Variants in DPYD observed in about 807,000 individuals in gnomAD.
DPYD encodes dihydropyrimidine dehydrogenase [NADP(+)].
Under a neutral mutation model 116.2 loss-of-function variants are expected in DPYD, and 109 were observed. The ratio of observed to expected loss-of-function variants is 0.94; its 90% confidence interval spans 0.80 to 1.10. The LOEUF is 1.10. Among genes scored for constraint, DPYD ranks in the 50% least tolerant of loss-of-function variants. The pLI is 0.00. For missense variants in DPYD, 1,302 were observed against 1,254.5 expected (o/e 1.04, Z -0.57); for synonymous variants, 440 against 432.0 (o/e 1.02, Z -0.23).
intron 20 of DPYD, among the ~76,000 whole-genome samples, chr1:97,163,480 G>T (rs964281089): frequency 6.6e-6 from 1 of 152,134 alleles, no homozygotes. Flanking sequence ...GTCCATTTGT[G>T]CTGCTATAAA....
intron 3 of DPYD, among the ~76,000 whole-genome samples, chr1:97,765,991 C>T (rs1458125315): frequency 1.3e-5 from 2 of 152,084 alleles, no homozygotes; most frequent in Non-Finnish European, 2.9e-5. Context: ...CGCCTATAAT[C>T]GCAGCACTTC....
At chr1:97,614,138 T>G (rs1037133158) in intron 8 of DPYD, among the ~76,000 whole-genome samples, 2 of 152,026 alleles carry the variant, frequency 1.3e-5, no homozygotes, top group African/African-American at 4.8e-5. Flanking sequence ...TATTAAAAAT[T>G]TTTTAAAGTT....
At chr1:97,144,392 G>A (rs1654457341) in intron 20 of DPYD, among the ~76,000 whole-genome samples, 2 of 152,140 alleles carry the variant, frequency 1.3e-5, no homozygotes, top group South Asian at 2.1e-4. Flanking sequence ...AGAACTACAA[G>A]TTCTCTGGTC....
intron 16 of DPYD, among the ~76,000 whole-genome samples, chr1:97,331,181 C>T (rs576558867): frequency 6.6e-6 from 1 of 151,948 alleles, no homozygotes; most frequent in Non-Finnish European, 1.5e-5. Context: ...TTTTGCAAAC[C>T]TATATATTGA....
chr1:97,914,692 C>T (rs1017043971), intron 1 of DPYD, among the ~76,000 whole-genome samples: 1 of 152,128 alleles, frequency 6.6e-6, no homozygotes, highest in Non-Finnish European at 1.5e-5. Context: ...CTGAAACTTA[C>T]ACCAGTGGGC....
chr1:97,126,203 A>C (rs538854078), intron 20 of DPYD, among the ~76,000 whole-genome samples: 1 of 152,116 alleles, frequency 6.6e-6, no homozygotes, highest in Non-Finnish European at 1.5e-5. Context: ...TTCAGTGGTG[A>C]ATCCAACCTC....
intron 20 of DPYD, among the ~76,000 whole-genome samples, chr1:97,158,469 C>CCACACACACA (rs1553225163): frequency 3.9e-5 from 2 of 51,012 alleles, no homozygotes; most frequent in African/African-American, 5.3e-5. Context: ...AGATAACTCA[C>CCACACACACA]CAGACACACA....
chr1:97,352,875 A>T (rs1670223327), intron 16 of DPYD, among the ~76,000 whole-genome samples: 1 of 152,170 alleles, frequency 6.6e-6, no homozygotes, highest in African/African-American at 2.4e-5. Flanking sequence ...TCTGTATTAT[A>T]TGAGACAATA....
Position 97,305,273 on chromosome 1 carries a change from T to C in DPYD, c.2285A>G (p.Tyr762Cys). 1.2e-6 allele frequency: 2 copies of C among 1,612,242 alleles called. No homozygotes were observed. Among genetic ancestry groups the C allele is most frequent in the Non-Finnish European group, 1.7e-6 (2 of 1,178,850 alleles). The change falls in exon 18 of 23, where the codon TAT becomes TGT. Residue 762 changes from tyrosine (Y) to cysteine (C), a missense_variant. Tyr to Cys is a radical substitution (Grantham distance 194). Coordinates refer to ENST00000370192, the MANE Select transcript of DPYD (RefSeq NM_000110.4). ...PAVGIAKRTT[Y>C]GGVSGTAIRP... The stretch of plus-strand genomic sequence containing the variant: ...GCAACACCTACCAGACACTCCTCCA[T>C]ATGTAGTTCGCTTTGCAATCCCCAC...
intron 14 of DPYD, among the ~76,000 whole-genome samples, chr1:97,390,049 T>G (rs913488465): frequency 2.0e-5 from 3 of 152,074 alleles, no homozygotes; most frequent in Non-Finnish European, 4.4e-5. Flanking sequence ...CATTAAAAAT[T>G]AAGGTGAAGA....
chr1:97,236,748 G>A (rs1003468814), intron 18 of DPYD, among the ~76,000 whole-genome samples: 1 of 152,148 alleles, frequency 6.6e-6, no homozygotes, highest in African/African-American at 2.4e-5. Flanking sequence ...TCGGACTTTG[G>A]GTGGTTAGGC....
At chr1:97,462,019 A>G (rs1300571744) in intron 13 of DPYD, among the ~76,000 whole-genome samples, 1 of 152,138 alleles carries the variant, frequency 6.6e-6, no homozygotes, top group African/African-American at 2.4e-5. Context: ...TGTTTGTTTC[A>G]TAGGAGACAA....
At chr1:97,814,275 G>A (rs1668472366) in intron 3 of DPYD, among the ~76,000 whole-genome samples, 1 of 152,102 alleles carries the variant, frequency 6.6e-6, no homozygotes, top group African/African-American at 2.4e-5. Flanking sequence ...TTAGACATAT[G>A]GTTAATGAGT....
intron 15 of DPYD, 123 bp from the exon 16 acceptor site, chr1:97,373,767 G>A: frequency 1.2e-6 from 1 of 819,122 alleles, no homozygotes; most frequent in Non-Finnish European, 2.0e-6. Context: ...CTGCATCACA[G>A]CTATCTTGTG....
chr1:97,420,924 G>A (rs1674547899), intron 14 of DPYD, among the ~76,000 whole-genome samples: 1 of 152,146 alleles, frequency 6.6e-6, no homozygotes, highest in Non-Finnish European at 1.5e-5. Context: ...GACATTGTGT[G>A]TTTCTCATCT....
chr1:97,686,353 T>C (rs1456869870), intron 7 of DPYD, among the ~76,000 whole-genome samples: 1 of 151,796 alleles, frequency 6.6e-6, no homozygotes. Flanking sequence ...GACTTACATA[T>C]AGGCCGGGCG....
At chr1:97,858,668 TA>T (rs1333800685) in intron 2 of DPYD, among the ~76,000 whole-genome samples, 3 of 152,070 alleles carry the variant, frequency 2.0e-5, no homozygotes, top group Non-Finnish European at 4.4e-5. Flanking sequence ...ATGATACTAA[TA>T]TATTTACCAA....
intron 1 of DPYD, among the ~76,000 whole-genome samples, chr1:97,886,349 A>G (rs1672485128): frequency 6.6e-6 from 1 of 152,044 alleles, no homozygotes; most frequent in African/African-American, 2.4e-5. Context: ...AACTGAGTGC[A>G]GCTGAGACTA....
intron 20 of DPYD, among the ~76,000 whole-genome samples, chr1:97,098,839 C>T (rs1650457488): frequency 6.6e-6 from 1 of 151,854 alleles, no homozygotes; most frequent in Non-Finnish European, 1.5e-5. Flanking sequence ...CACAACAGTA[C>T]AATACTTTTA....
Sources: allele counts gnomAD v4.1 joint callset (sites outside exome capture counted in the v4.1 genomes callset), GRCh38; gene constraint gnomAD v4.1.1; transcripts MANE v1.5; gene names NCBI Gene and HGNC (gene_info 2026-07-23, HGNC 2026-07-21).